DOCK5: variants seen among roughly 807,000 people sequenced by gnomAD.
DOCK5 encodes the protein dedicator of cytokinesis 5, also known as dedicator of cytokinesis protein 5.
In DOCK5, 142 loss-of-function variants were observed where a neutral mutation model predicts 251.8. That is an observed-to-expected ratio of 0.56 (90% CI 0.49 to 0.65). The LOEUF is 0.65. Ranked by LOEUF, DOCK5 falls within the 30% of genes least tolerant of loss-of-function variation. The pLI is 0.00. For missense variants in DOCK5, 2,111 were observed against 2,312.3 expected (o/e 0.91, Z 1.79); for synonymous variants, 842 against 835.5 (o/e 1.01, Z -0.13).
At chr8:25,295,469 A>G (rs931131913) in intron 6 of DOCK5, among the ~76,000 whole-genome samples, 7 of 152,288 alleles carry the variant, frequency 4.6e-5, no homozygotes, top group East Asian at 3.9e-4. Context: ...GTTGTGCAGA[A>G]TTAAGTAAAT....
Position 25,391,954 on chromosome 8 carries a change from G to A in DOCK5, c.4414G>A (p.Glu1472Lys), listed in dbSNP as rs760291418. 8.9e-5 allele frequency: 143 copies of A among 1,613,770 alleles called. No individual in the cohort carries two copies. The highest frequency in any genetic ancestry group is 1.2e-4 in the Non-Finnish European group (141 of 1,179,856). Residue 1472 changes from glutamate (E) to lysine (K), a missense_variant, in exon 43 of 52, where the codon GAA becomes AAA. By Grantham distance (56) the Glu-to-Lys change is moderately conservative. Coordinates refer to ENST00000276440, the MANE Select transcript of DOCK5 (RefSeq NM_024940.8). Reference protein sequence around the residue: ...FRYSRPFRKGEKDPDNEFATM... With the variant: ...FRYSRPFRKGKKDPDNEFATM... ...ATACTCCCGGCCGTTCCGGAAAGGAGAAAAGGATCCAGACAATGAATTTGC... is the reference window on the plus strand; with the variant it reads ...ATACTCCCGGCCGTTCCGGAAAGGAAAAAAGGATCCAGACAATGAATTTGC...
chr8:25,273,520 T>G (rs1338212093), intron 3 of DOCK5, among the ~76,000 whole-genome samples: 1 of 152,232 alleles, frequency 6.6e-6, no homozygotes, highest in East Asian at 1.9e-4. Context: ...GGAGAACTGC[T>G]TGAGCCCGGA....
At chr8:25,353,380 C>T (rs1800506210) in intron 27 of DOCK5, among the ~76,000 whole-genome samples, 1 of 152,070 alleles carries the variant, frequency 6.6e-6, no homozygotes. Context: ...AATCCAAGCT[C>T]ATCCAAAACA....
In DOCK5 at chr8:25,389,081, T is replaced by A. The variant is rs771830522; in HGVS notation, c.4132-10T>A. ...ATGTAATGACTTCCCTTTCTGTGTCTCACCTGCAGAATAAAATCTTCATCT... is the reference window on the plus strand; with the variant it reads ...ATGTAATGACTTCCCTTTCTGTGTCACACCTGCAGAATAAAATCTTCATCT... On this transcript the variant is annotated splice_polypyrimidine_tract_variant and intron_variant, in intron 40 of 51. Coordinates refer to ENST00000276440, the MANE Select transcript of DOCK5 (RefSeq NM_024940.8). The A allele has an allele frequency of 1.3e-4, 209 of 1,613,152 alleles. No homozygotes were observed. Among genetic ancestry groups the A allele is most frequent in the Non-Finnish European group, 1.7e-4 (198 of 1,179,312 alleles).
At chr8:25,287,331 C>T (rs1018250436) in intron 5 of DOCK5, among the ~76,000 whole-genome samples, 1 of 151,934 alleles carries the variant, frequency 6.6e-6, no homozygotes, top group South Asian at 2.1e-4. Context: ...GAGGCTGAGG[C>T]AGGAGAATTG....
chr8:25,362,498 A>C (rs1426077914), intron 28 of DOCK5, among the ~76,000 whole-genome samples: 2 of 113,538 alleles, frequency 1.8e-5, no homozygotes, highest in Non-Finnish European at 3.3e-5. Context: ...ATAGAGTCTC[A>C]CTCTGCTGCC....
intron 2 of DOCK5, among the ~76,000 whole-genome samples, chr8:25,253,903 G>A (rs1803342578): frequency 6.6e-6 from 1 of 152,216 alleles, no homozygotes; most frequent in African/African-American, 2.4e-5. Flanking sequence ...GGATTCTAAA[G>A]TTATGTGGAG....
In DOCK5 at chr8:25,243,707, A is replaced by C. The variant is rs370687065; in HGVS notation, c.77A>C (p.Glu26Ala). 13 of 1,613,512 alleles carry C rather than the reference A, an allele frequency of 8.1e-6. No individual in the cohort carries two copies. The highest frequency in any genetic ancestry group is 1.1e-5 in the Non-Finnish European group (13 of 1,179,722). Residue 26 changes from glutamate (E) to alanine (A), a missense_variant, in exon 2 of 52, where the codon GAG (glutamate) becomes GCG (alanine). Transcript: ENST00000276440. ...IYNYNASQDVELSLQIGDTVH... is the reference protein window; with the variant it reads ...IYNYNASQDVALSLQIGDTVH... ...AACTACAATGCTTCTCAAGATGTGG[A>C]GCTCTCCTTGCAGATCGGTGACACA...
At chr8:25,334,742 A>G (rs1364950176) in intron 21 of DOCK5, among the ~76,000 whole-genome samples, 2 of 152,084 alleles carry the variant, frequency 1.3e-5, no homozygotes, top group African/African-American at 4.8e-5. Flanking sequence ...AGCAAAATCA[A>G]TAACAAATGA....
rs1466561670 is a variant in DOCK5 at position 25,389,208 on chromosome 8, G to C, written c.4249G>C (p.Asp1417His). 6.2e-7 allele frequency: 1 copy of C among 1,613,866 alleles called. No homozygotes were observed. The highest frequency in any genetic ancestry group is 2.2e-5 in the East Asian group (1 of 44,880). Residue 1417 changes from aspartate (D) to histidine (H), a missense_variant, in exon 41 of 52, where the codon GAC (aspartate) becomes CAC (histidine). Around this residue, in one of 3 missense-constraint regions of DOCK5, gnomAD observed 1,717 missense variants for 1,892.4 expected, o/e 0.91. Coordinates refer to ENST00000276440, the MANE Select transcript of DOCK5 (RefSeq NM_024940.8). ...KMTSTTPPGEDIKSSPKQYMQ... is the reference protein window; with the variant it reads ...KMTSTTPPGEHIKSSPKQYMQ... ...GACCAGTACCACGCCTCCTGGGGAA[G>C]ACATCAAGTCGTCCCCCAAGCAGTG...
intron 25 of DOCK5, among the ~76,000 whole-genome samples, chr8:25,344,118 C>G (rs2117236785): frequency 6.6e-6 from 1 of 152,222 alleles, no homozygotes; most frequent in South Asian, 2.1e-4. Context: ...AAGCTGTTTT[C>G]TTTAGGGGGT....
In DOCK5 at chr8:25,414,924, A is replaced by ATTTTTTTTTTTTTTTTTTT. The variant is rs1205298349; in HGVS notation, c.*3630_*3631insTTTTTTTTTTTTTTTTTTT. The ATTTTTTTTTTTTTTTTTTT allele has an allele frequency of 1.1e-4, 7 of 64,210 alleles. No individual in the cohort carries two copies. The highest frequency in any genetic ancestry group is 9.2e-5 in the Non-Finnish European group (3 of 32,440). 4.0% of individuals were successfully genotyped at this position (64,210 alleles called of 1,614,324 possible). A position where few individuals can be genotyped will look rare whatever the true frequency, so the allele number is the denominator to read the frequency against. Reference sequence around the variant, plus strand: ...CTGGGCCTGTCTTTTTTTTTTTTTAATTTTGAAGCTACCTGAGGTTTAGAA... The same window carrying ATTTTTTTTTTTTTTTTTTT: ...CTGGGCCTGTCTTTTTTTTTTTTTAATTTTTTTTTTTTTTTTTTTTTTTGAAGCTACCTGAGGTTTAGAA... On this transcript the variant is annotated 3_prime_UTR_variant, in exon 52 of 52. Coordinates refer to ENST00000276440, the MANE Select transcript of DOCK5 (RefSeq NM_024940.8).
intron 30 of DOCK5, 126 bp downstream of exon 30, chr8:25,364,830 C>T: frequency 1.4e-6 from 1 of 700,964 alleles, no homozygotes; most frequent in Middle Eastern, 3.0e-4. Flanking sequence ...TGTGTTTTTT[C>T]ATTTCCTAAA....
chr8:25,264,931 C>A (rs181338905), intron 2 of DOCK5, among the ~76,000 whole-genome samples: 1 of 152,122 alleles, frequency 6.6e-6, no homozygotes, highest in Non-Finnish European at 1.5e-5. Flanking sequence ...TTCTCCATGG[C>A]ATATAATACC....
intron 1 of DOCK5, among the ~76,000 whole-genome samples, chr8:25,197,564 C>CGTGA (rs111774068): frequency 0.65 from 85,778 of 131,662 alleles, 30,981 homozygotes; most frequent in Non-Finnish European, 0.78. Context: ...CTTTAAGGAT[C>CGTGA]GTGTCTTTGT....
intron 1 of DOCK5, among the ~76,000 whole-genome samples, chr8:25,207,686 C>G (rs1444437532): frequency 6.6e-6 from 1 of 152,142 alleles, no homozygotes; most frequent in East Asian, 1.9e-4. Flanking sequence ...TTCCTTGATT[C>G]AAAATATTAC....
At position 25,215,932 on chromosome 8, in the gene DOCK5, T is replaced by TATACAC. The variant is rs1389586266; in HGVS notation, c.44-27741_44-27740insTACACA. Among the ~76,000 whole-genome samples, 116 of 141,264 alleles carry TATACAC rather than the reference T, an allele frequency of 8.2e-4. No homozygotes were observed. The South Asian group carries it at 8.4e-3, about 10-fold the overall frequency. The allele number at this position is 141,264 out of a possible 152,430, so 92.7% of individuals were successfully genotyped here. On this transcript the variant is annotated intron_variant, in intron 1 of 51. Transcript: ENST00000276440. Reference sequence around the variant, plus strand: ...AATCTTTTCAAATCCTGGAAATAAATACACACACACACACACACACACACA... The same window carrying TATACAC: ...AATCTTTTCAAATCCTGGAAATAAATATACACACACACACACACACACACACACACA...
chr8:25,336,460 C>G, intron 22 of DOCK5, 87 bp downstream of exon 22: 1 of 1,495,166 alleles, frequency 6.7e-7, no homozygotes, highest in South Asian at 1.2e-5. Flanking sequence ...GTGTTCAGCT[C>G]TGTGAGCAGT....
At chr8:25,258,034 A>T (rs989372898) in intron 2 of DOCK5, among the ~76,000 whole-genome samples, 1 of 152,180 alleles carries the variant, frequency 6.6e-6, no homozygotes, top group South Asian at 2.1e-4. Flanking sequence ...TCCAGAAAAT[A>T]TAAAGCGAAT....
Sources: allele counts gnomAD v4.1 joint callset (sites outside exome capture counted in the v4.1 genomes callset), GRCh38; gene constraint gnomAD v4.1.1; regional missense constraint gnomAD v4.1.1; transcripts MANE v1.5; gene names NCBI Gene and HGNC (gene_info 2026-07-23, HGNC 2026-07-21).